Variants in MRPS28 observed in about 807,000 individuals in gnomAD.
MRPS28 encodes mitochondrial ribosomal protein S28, also known as small ribosomal subunit protein bS1m.
MRPS28 carries 7 observed loss-of-function variants against 10.8 expected under a neutral mutation model. That is an observed-to-expected ratio of 0.65 (90% confidence interval 0.37 to 1.22). The LOEUF (loss-of-function observed/expected upper bound fraction) is 1.22, where lower values mean the gene tolerates loss of function less well. MRPS28 is among the 50% of genes most tolerant of loss of function. The pLI, the probability that MRPS28 is intolerant of heterozygous loss-of-function variation, is 0.02. For synonymous variants in MRPS28, 121 were observed against 93.3 expected (o/e 1.30, Z -1.71); for missense variants, 265 against 232.9 (o/e 1.14, Z -0.90).
intron 2 of MRPS28, among the ~76,000 whole-genome samples, chr8:79,952,538 C>T (rs1048942797): frequency 6.6e-6 from 1 of 152,114 alleles, no homozygotes; most frequent in Non-Finnish European, 1.5e-5. Context: ...AAAACCTATG[C>T]CCCTCAAATG....
chr8:79,968,947 G>A (rs550369194), intron 2 of MRPS28, among the ~76,000 whole-genome samples: 65 of 152,218 alleles, frequency 4.3e-4, no homozygotes, highest in South Asian at 8.3e-4. Context: ...ATTGGTCTCT[G>A]TGCCTTAGCT....
At chr8:79,927,261 CG>C (rs1462614070) in intron 2 of MRPS28, among the ~76,000 whole-genome samples, 1 of 152,146 alleles carries the variant, frequency 6.6e-6, no homozygotes, top group African/African-American at 2.4e-5. Context: ...GACCAAAAGA[CG>C]TAAGATTTTC....
intron 1 of MRPS28, among the ~76,000 whole-genome samples, chr8:80,013,211 C>G (rs1379063155): frequency 6.6e-6 from 1 of 151,962 alleles, no homozygotes; most frequent in East Asian, 1.9e-4. Flanking sequence ...GATTGGATAA[C>G]TATAAATTTT....
intron 1 of MRPS28, among the ~76,000 whole-genome samples, chr8:80,015,214 T>C (rs1032641568): frequency 6.6e-6 from 1 of 152,236 alleles, no homozygotes; most frequent in Non-Finnish European, 1.5e-5. Context: ...CGGCAAGTTC[T>C]GTGGGGAATA....
At chr8:80,027,886 C>T (rs961517124) in intron 1 of MRPS28, among the ~76,000 whole-genome samples, 2 of 152,096 alleles carry the variant, frequency 1.3e-5, no homozygotes, top group East Asian at 1.9e-4. Flanking sequence ...CTGTGTTAGA[C>T]GGAGAACAAC....
chr8:80,007,673 T>C (rs1808894678), intron 1 of MRPS28, among the ~76,000 whole-genome samples: 1 of 152,270 alleles, frequency 6.6e-6, no homozygotes, highest in East Asian at 1.9e-4. Context: ...CCATTCACAA[T>C]TGCTTCAAAG....
At chr8:80,019,062 G>C (rs1487027752) in intron 1 of MRPS28, among the ~76,000 whole-genome samples, 1 of 151,968 alleles carries the variant, frequency 6.6e-6, no homozygotes, top group African/African-American at 2.4e-5. Context: ...TATACTTATA[G>C]TATATAAGGG....
At chr8:80,026,973 A>G (rs557273613) in intron 1 of MRPS28, among the ~76,000 whole-genome samples, 283 of 152,350 alleles carry the variant, frequency 1.9e-3, no homozygotes, top group Non-Finnish European at 3.0e-3. Context: ...AGTACAGTAC[A>G]GACATATCCC....
At chr8:80,015,915 T>C (rs1809183001) in intron 1 of MRPS28, among the ~76,000 whole-genome samples, 3 of 151,506 alleles carry the variant, frequency 2.0e-5, no homozygotes, top group Admixed American at 2.0e-4. Context: ...TTGATGGGCT[T>C]ACAGGTAGAT....
At chr8:79,968,928 G>A (rs1807565679) in intron 2 of MRPS28, among the ~76,000 whole-genome samples, 1 of 152,066 alleles carries the variant, frequency 6.6e-6, no homozygotes, top group African/African-American at 2.4e-5. Context: ...TGTGTACTTG[G>A]ACAAGTTAAT....
At chr8:79,920,185 T>C (rs528872250) in intron 2 of MRPS28, among the ~76,000 whole-genome samples, 1 of 152,246 alleles carries the variant, frequency 6.6e-6, no homozygotes, top group South Asian at 2.1e-4. Flanking sequence ...TAATCTAGTC[T>C]ATCATTGTTG....
At chr8:80,027,912 G>C (rs1306248837) in intron 1 of MRPS28, among the ~76,000 whole-genome samples, 3 of 152,182 alleles carry the variant, frequency 2.0e-5, no homozygotes, top group Non-Finnish European at 4.4e-5. Flanking sequence ...AGGGTGCAGA[G>C]ATGCTGCTGA....
At chr8:79,927,822 A>G (rs1806333080) in intron 2 of MRPS28, among the ~76,000 whole-genome samples, 1 of 152,250 alleles carries the variant, frequency 6.6e-6, no homozygotes, top group African/African-American at 2.4e-5. Flanking sequence ...TTATTGCAGT[A>G]GAGTATGTAG....
rs147337080 is a variant in MRPS28 at position 80,030,077 on chromosome 8, G to A, written c.172C>T (p.Arg58Trp). ...ACCTTCTGTAGAAGCTCCGAGTGCC[G>A]CTCCAACGCGCTCGCGAAACCGCCT... ...RAGGFASALERHSELLQKVEP... is the reference protein window; with the variant it reads ...RAGGFASALEWHSELLQKVEP... The change falls in exon 1 of 3, where the codon CGG becomes TGG. Residue 58 changes from arginine to tryptophan, a missense_variant. Arg to Trp is a moderately radical substitution (Grantham distance 101). Transcript: ENST00000276585. 3.4e-4 allele frequency: 556 copies of A among 1,613,532 alleles called. No individual in the cohort carries two copies. The African/African-American group carries it at 6.4e-3, about 19-fold the overall frequency.
chr8:80,027,497 T>C (rs1355410613), intron 1 of MRPS28, among the ~76,000 whole-genome samples: 2 of 152,192 alleles, frequency 1.3e-5, no homozygotes, highest in African/African-American at 4.8e-5. Flanking sequence ...GTATATTTAA[T>C]CTTGCAGGCA....
intron 2 of MRPS28, among the ~76,000 whole-genome samples, chr8:79,975,306 A>C (rs1160666449): frequency 2.0e-5 from 3 of 152,092 alleles, no homozygotes; most frequent in African/African-American, 7.2e-5. Context: ...TGGAAAAGAT[A>C]ATTAATTAAT....
intron 2 of MRPS28, among the ~76,000 whole-genome samples, chr8:79,966,997 T>A (rs1807520777): frequency 6.6e-6 from 1 of 152,190 alleles, no homozygotes; most frequent in African/African-American, 2.4e-5. Context: ...AACTGTTGAG[T>A]AACTGCATAC....
At chr8:79,950,786 T>C (rs1807059159) in intron 2 of MRPS28, among the ~76,000 whole-genome samples, 1 of 152,210 alleles carries the variant, frequency 6.6e-6, no homozygotes, top group Admixed American at 6.5e-5. Flanking sequence ...AATGAATAAA[T>C]TTCTGCTGCT....
At chr8:79,936,130 TGAGGCCAG>T (rs1480245184) in intron 2 of MRPS28, among the ~76,000 whole-genome samples, 1 of 151,872 alleles carries the variant, frequency 6.6e-6, no homozygotes, top group East Asian at 1.9e-4. Flanking sequence ...GAGGATTGCT[TGAGGCCAG>T]GAGTTTGAGA....
Sources: allele counts gnomAD v4.1 joint callset (sites outside exome capture counted in the v4.1 genomes callset), GRCh38; gene constraint gnomAD v4.1.1; transcripts MANE v1.5; gene names NCBI Gene and HGNC (gene_info 2026-07-23, HGNC 2026-07-21).